Variants in RANBP17 observed in about 807,000 individuals in gnomAD.
RANBP17 encodes the protein ran-binding protein 17.
A neutral mutation model predicts 141.2 loss-of-function variants in RANBP17; 158 were observed. That is an observed-to-expected ratio of 1.12 (90% CI 0.98 to 1.28). The LOEUF is 1.28. Ranked by LOEUF, RANBP17 falls within the 50% of genes most tolerant of loss-of-function variation. RANBP17 has a pLI of 0.00. For missense variants in RANBP17, 1,438 were observed against 1,290.7 expected (o/e 1.11, Z -1.75); for synonymous variants, 430 against 450.0 (o/e 0.96, Z 0.56).
chr5:170,897,698 A>G (rs1035879394), intron 5 of RANBP17, among the ~76,000 whole-genome samples: 1 of 152,014 alleles, frequency 6.6e-6, no homozygotes, highest in Non-Finnish European at 1.5e-5. Context: ...GCTGAGAATG[A>G]TGTTTCCAGC....
At chr5:171,137,211 A>G (rs376899312) in intron 14 of RANBP17, among the ~76,000 whole-genome samples, 1 of 152,172 alleles carries the variant, frequency 6.6e-6, no homozygotes, top group Non-Finnish European at 1.5e-5. Context: ...TTCATTTCCA[A>G]AATGAGATGA....
At chr5:170,865,306 G>T (rs967586757) in intron 1 of RANBP17, among the ~76,000 whole-genome samples, 2 of 152,052 alleles carry the variant, frequency 1.3e-5, no homozygotes, top group African/African-American at 4.8e-5. Context: ...CAGGTGATCC[G>T]CCCACTTCGG....
chr5:170,965,714 T>C (rs1408678735), intron 13 of RANBP17, among the ~76,000 whole-genome samples: 9 of 152,172 alleles, frequency 5.9e-5, no homozygotes. Flanking sequence ...GTTGTAGATA[T>C]GCAGCGTTAT....
chr5:171,224,751 G>A (rs150980236), intron 22 of RANBP17, among the ~76,000 whole-genome samples: 7 of 152,272 alleles, frequency 4.6e-5, no homozygotes, highest in East Asian at 1.9e-4. Flanking sequence ...TTTCTTACAC[G>A]GAAGAAAGAT....
chr5:171,011,615 T>A (rs1185026250), intron 14 of RANBP17, among the ~76,000 whole-genome samples: 1 of 152,092 alleles, frequency 6.6e-6, no homozygotes, highest in Non-Finnish European at 1.5e-5. Flanking sequence ...CATTTATGCA[T>A]ACATATGATA....
In RANBP17 at chr5:170,909,988, T is replaced by C. The variant is rs2127419785; in HGVS notation, c.594+223T>C. ...TGAAATCCAAAGGGAATCTAATAAC[T>C]TATCTTCAGGTAGTAGTTTCATTGC... On this transcript the variant is annotated intron_variant, in intron 6 of 27. Coordinates refer to ENST00000523189, the MANE Select transcript of RANBP17 (RefSeq NM_022897.5). 3 of 340,310 alleles carry C rather than the reference T, an allele frequency of 8.8e-6. No homozygotes were observed. The East Asian group carries it at 1.5e-4, about 17-fold the overall frequency. 21.1% of individuals were successfully genotyped at this position (340,310 alleles called of 1,614,324 possible). A position where few individuals can be genotyped will look rare whatever the true frequency, so the allele number is the denominator to read the frequency against.
At chr5:171,091,075 T>C (rs1246487246) in intron 14 of RANBP17, among the ~76,000 whole-genome samples, 1 of 152,146 alleles carries the variant, frequency 6.6e-6, no homozygotes, top group African/African-American at 2.4e-5. Context: ...TACCCTAGAA[T>C]GGTAGAACCA....
chr5:171,188,748 C>T (rs1048544457), intron 18 of RANBP17, among the ~76,000 whole-genome samples: 2 of 152,184 alleles, frequency 1.3e-5, no homozygotes, highest in African/African-American at 4.8e-5. Flanking sequence ...CACTATGTAT[C>T]TGTGGTAGGT....
chr5:170,878,255 G>A lies in RANBP17; in HGVS notation c.165+12G>A, dbSNP rs1214680648. 1 of 1,596,636 alleles carries A rather than the reference G, an allele frequency of 6.3e-7. No homozygotes were observed. The highest frequency in any genetic ancestry group is 8.5e-7 in the Non-Finnish European group (1 of 1,170,784). On this transcript the variant is annotated intron_variant, in intron 2 of 27. Coordinates refer to ENST00000523189, the MANE Select transcript of RANBP17 (RefSeq NM_022897.5). The stretch of plus-strand genomic sequence containing the variant: ...TAGAACAAGGAACAGTAAGTATTTG[G>A]TAACAATGATTAACCATGAAAGATC...
intron 12 of RANBP17, among the ~76,000 whole-genome samples, chr5:170,939,498 C>G (rs1461838497): frequency 6.6e-6 from 1 of 151,986 alleles, no homozygotes; most frequent in Non-Finnish European, 1.5e-5. Context: ...CATTCTCCTG[C>G]CTCAGCCTCC....
At chr5:171,200,843 C>T (rs1411279409) in intron 19 of RANBP17, among the ~76,000 whole-genome samples, 1 of 152,150 alleles carries the variant, frequency 6.6e-6, no homozygotes, top group Admixed American at 6.5e-5. Flanking sequence ...TAATGTTTAT[C>T]AGCATGCTAT....
At chr5:170,921,773 C>T (rs1772487682) in intron 11 of RANBP17, among the ~76,000 whole-genome samples, 1 of 152,086 alleles carries the variant, frequency 6.6e-6, no homozygotes, top group Admixed American at 6.6e-5. Context: ...TTAGAATATG[C>T]TCCTTTAGCT....
At position 171,012,324 on chromosome 5, in the gene RANBP17, T is replaced by A. The variant is rs557873466; in HGVS notation, c.1710+43947T>A. 1.6e-4 allele frequency among the ~76,000 whole-genome samples: 25 copies of A among 152,244 alleles called. No individual in the cohort carries two copies. The East Asian group carries it at 4.6e-3, about 28-fold the overall frequency. ...TGCATTGCATTGTCGTTGCTTGCTT[T>A]TCATTTAGCTGGTCTTACATGAAGG... is the stretch of plus-strand genomic sequence containing the variant. On this transcript the variant is annotated intron_variant, in intron 14 of 27. Coordinates refer to ENST00000523189, the MANE Select transcript of RANBP17 (RefSeq NM_022897.5).
intron 21 of RANBP17, 55 bp downstream of exon 21, chr5:171,213,793 A>C: frequency 4.8e-5 from 62 of 1,282,128 alleles, no homozygotes; most frequent in Non-Finnish European, 6.6e-5. Context: ...GGAAATCTCC[A>C]ACAGTCAGAC....
intron 14 of RANBP17, among the ~76,000 whole-genome samples, chr5:170,993,632 A>G (rs1268696762): frequency 1.3e-5 from 2 of 152,116 alleles, no homozygotes; most frequent in Non-Finnish European, 2.9e-5. Context: ...ATGAGAGTGT[A>G]TATGAAATAG....
chr5:171,230,201 A>G (rs925116808), intron 22 of RANBP17, among the ~76,000 whole-genome samples: 1 of 152,216 alleles, frequency 6.6e-6, no homozygotes, highest in Non-Finnish European at 1.5e-5. Flanking sequence ...AGAGTGCCAT[A>G]GGAGCCCAGA....
At chr5:170,863,937 GA>G (rs1029605390) in intron 1 of RANBP17, among the ~76,000 whole-genome samples, 2 of 152,260 alleles carry the variant, frequency 1.3e-5, no homozygotes, top group South Asian at 2.1e-4. Context: ...TTGTTGACTA[GA>G]AAAAAACTGA....
At chr5:171,019,396 T>C (rs1780686994) in intron 14 of RANBP17, among the ~76,000 whole-genome samples, 1 of 152,182 alleles carries the variant, frequency 6.6e-6, no homozygotes, top group South Asian at 2.1e-4. Context: ...CTGGGCTTTT[T>C]TTTTGTTGGT....
intron 14 of RANBP17, among the ~76,000 whole-genome samples, chr5:171,106,725 G>A (rs1051867835): frequency 8.6e-5 from 13 of 151,998 alleles, no homozygotes; most frequent in African/African-American, 1.2e-4. Context: ...ATAATCACAC[G>A]AGGAAGTTTT....
Sources: allele counts gnomAD v4.1 joint callset (sites outside exome capture counted in the v4.1 genomes callset), GRCh38; gene constraint gnomAD v4.1.1; transcripts MANE v1.5; gene names NCBI Gene and HGNC (gene_info 2026-07-23, HGNC 2026-07-21).